Variants in CADPS observed in about 807,000 individuals in gnomAD.
CADPS encodes calcium-dependent secretion activator 1.
CADPS carries 57 observed loss-of-function variants against 167.3 expected under a neutral mutation model. The observed-to-expected ratio is 0.34, with a 90% confidence interval of 0.28 to 0.42. The LOEUF (loss-of-function observed/expected upper bound fraction) is 0.42, where lower values mean the gene tolerates loss of function less well. Ranked by LOEUF, CADPS falls within the 20% of genes least tolerant of loss-of-function variation. The pLI is 1.00. For missense variants in CADPS, 1,414 were observed against 1,738.1 expected, an observed-to-expected ratio of 0.81 and a Z score of 3.32; for synonymous variants, 676 against 635.3, an observed-to-expected ratio of 1.06 and a Z score of -0.96.
intron 9 of CADPS, among the ~76,000 whole-genome samples, chr3:62,563,315 G>T (rs997916667): frequency 3.9e-5 from 6 of 152,138 alleles, no homozygotes; most frequent in Admixed American, 1.3e-4. Flanking sequence ...CATTTTTGTG[G>T]TTAACTCATT....
chr3:62,468,003 A>G (rs1374930681), intron 24 of CADPS, among the ~76,000 whole-genome samples: 1 of 152,184 alleles, frequency 6.6e-6, no homozygotes, highest in African/African-American at 2.4e-5. Context: ...AATTGATTAG[A>G]GGAAAAATAA....
intron 26 of CADPS, among the ~76,000 whole-genome samples, chr3:62,448,856 T>G (rs2057623219): frequency 1.3e-5 from 2 of 152,094 alleles, no homozygotes; most frequent in South Asian, 4.1e-4. Flanking sequence ...TCAGGTGATC[T>G]GCCTGCCTCG....
At chr3:62,469,110 T>C (rs1317664481) in intron 24 of CADPS, among the ~76,000 whole-genome samples, 5 of 152,210 alleles carry the variant, frequency 3.3e-5, no homozygotes, top group African/African-American at 7.2e-5. Flanking sequence ...AATTTAAATA[T>C]AAGCTTCTTT....
At chr3:62,468,217 A>T (rs953777425) in intron 24 of CADPS, among the ~76,000 whole-genome samples, 2 of 152,186 alleles carry the variant, frequency 1.3e-5, no homozygotes, top group African/African-American at 4.8e-5. Flanking sequence ...CTCCAAATTC[A>T]TTTTTAGGTC....
At chr3:62,668,377 A>T (rs1336399959) in intron 3 of CADPS, among the ~76,000 whole-genome samples, 2 of 152,064 alleles carry the variant, frequency 1.3e-5, no homozygotes, top group African/African-American at 4.8e-5. Context: ...CTTGTCGGGC[A>T]CCACATCCTC....
At chr3:62,694,731 A>G (rs971299455) in intron 3 of CADPS, among the ~76,000 whole-genome samples, 6 of 152,058 alleles carry the variant, frequency 3.9e-5, no homozygotes, top group African/African-American at 1.5e-4. Flanking sequence ...GCTTCTGCCC[A>G]TAGAATTAAC....
In CADPS at chr3:62,825,737, C is replaced by G. The variant is rs115466446; in HGVS notation, c.441+48852G>C. Among the ~76,000 whole-genome samples the G allele has an allele frequency of 5.6e-4, 85 of 152,298 alleles. 1 individual carries two copies. Among genetic ancestry groups the G allele is most frequent in the African/African-American group, 2.0e-3 (85 of 41,564 alleles). The stretch of plus-strand genomic sequence containing the variant: ...CATCACTGCTGGCCATAGAAAATAA[C>G]TTTAAACTTTGAAAACAGCTCTTCA... On this transcript the variant is annotated intron_variant, in intron 1 of 29. Transcript: ENST00000383710.
intron 1 of CADPS, among the ~76,000 whole-genome samples, chr3:62,830,196 T>G (rs2074826585): frequency 6.6e-6 from 1 of 152,184 alleles, no homozygotes; most frequent in Non-Finnish European, 1.5e-5. Flanking sequence ...TAGTGGATCT[T>G]CACCTTTGAA....
chr3:62,765,891 C>A lies in CADPS; in HGVS notation c.535G>T (p.Ala179Ser). The change falls in exon 2 of 30, where the codon GCT (alanine) becomes TCT (serine). Residue 179 changes from alanine to serine, a missense_variant. By Grantham distance (99) the Ala-to-Ser change is moderately conservative. Transcript: ENST00000383710. ...CTCACCTCATAGTAACTCTGCACAGCGTTCATGAAGGCTTCGTCAGCCATG... is the reference window on the plus strand; with the variant it reads ...CTCACCTCATAGTAACTCTGCACAGAGTTCATGAAGGCTTCGTCAGCCATG... ...QIMADEAFMN[A>S]VQSYYEVFLK... 6.2e-7 allele frequency: 1 copy of A among 1,611,428 alleles called. No individual in the cohort carries two copies. Among genetic ancestry groups the A allele is most frequent in the Non-Finnish European group, 8.5e-7 (1 of 1,177,788 alleles).
chr3:62,522,904 G>A (rs902247187), intron 13 of CADPS, among the ~76,000 whole-genome samples: 3 of 152,150 alleles, frequency 2.0e-5, no homozygotes, highest in Non-Finnish European at 4.4e-5. Context: ...CCCACCTGCG[G>A]GCCATCACTG....
chr3:62,800,546 A>T (rs963164235), intron 1 of CADPS, among the ~76,000 whole-genome samples: 2 of 152,150 alleles, frequency 1.3e-5, no homozygotes, highest in Admixed American at 1.3e-4. Context: ...TGTTTACTGA[A>T]TGTGAGTTAA....
rs752696303 is a variant in CADPS at position 62,407,925 on chromosome 3, G to C, written c.3778-4740C>G. 2.8e-4 allele frequency among the ~76,000 whole-genome samples: 42 copies of C among 152,212 alleles called. No homozygotes were observed. The Middle Eastern group carries it at 0.01, about 37-fold the overall frequency. ...ATTTTTTGTACTTTTACTAGAGATG[G>C]GGTTTTGCCATGTTGGCCAGGCTGG... On this transcript the variant is annotated intron_variant, in intron 28 of 29. Coordinates refer to ENST00000383710, the MANE Select transcript of CADPS (RefSeq NM_003716.4).
At position 62,420,794 on chromosome 3, in the gene CADPS, T is replaced by C. The variant is rs1218505076; in HGVS notation, c.3777+17310A>G. Among the ~76,000 whole-genome samples the C allele has an allele frequency of 6.6e-6, 1 of 151,970 alleles. No homozygotes were observed. The highest frequency in any genetic ancestry group is 2.4e-5 in the African/African-American group (1 of 41,346). On this transcript the variant is annotated intron_variant, in intron 28 of 29. Transcript: ENST00000383710. The surrounding 1 kb of genome is among the most constrained non-coding windows in gnomAD (Gnocchi z 4.1). ...CTTTATTTTTACTCTCAGGAAACCG[T>C]ATTCTCCTCTTTCTACTTCTCACTG...
rs2083820522 is a variant in CADPS, at chr3:62,756,052, TTTTTC to T, written c.556-2284_556-2280del. Reference sequence around the variant, plus strand: ...TCTCTGATTCTCTAATTTCTTTTTCTTTTTCTTTTTTTTTTTTTTGAGACAGAATC... The same window carrying T: ...TCTCTGATTCTCTAATTTCTTTTTCTTTTTTTTTTTTTTTGAGACAGAATC... On this transcript the variant is annotated intron_variant, in intron 2 of 29. Transcript: ENST00000383710. Among the ~76,000 whole-genome samples, 13 of 141,892 alleles carry T rather than the reference TTTTTC, an allele frequency of 9.2e-5. 1 individual carries two copies. The South Asian group carries it at 2.8e-3, about 31-fold the overall frequency. 93.1% of individuals were successfully genotyped at this position (141,892 alleles called of 152,430 possible). A position where few individuals can be genotyped will look rare whatever the true frequency, so the allele number is the denominator to read the frequency against.
chr3:62,820,546 A>T (rs1288796291), intron 1 of CADPS, among the ~76,000 whole-genome samples: 1 of 152,146 alleles, frequency 6.6e-6, no homozygotes, highest in African/African-American at 2.4e-5. Context: ...CTCTTACTGA[A>T]ATATGAGCTC....
chr3:62,855,218 T>C (rs920242047), intron 1 of CADPS, among the ~76,000 whole-genome samples: 12 of 151,726 alleles, frequency 7.9e-5, no homozygotes, highest in African/African-American at 2.9e-4. Flanking sequence ...GTGCTGGGAT[T>C]ACAGGCATGA....
chr3:62,715,757 T>TTG (rs2084413393), intron 3 of CADPS, among the ~76,000 whole-genome samples: 2 of 130,088 alleles, frequency 1.5e-5, no homozygotes, highest in African/African-American at 5.5e-5. Flanking sequence ...ATAAATCTTT[T>TTG]TTTTTTTTTT....
chr3:62,732,870 C>T (rs1190503299), intron 3 of CADPS, among the ~76,000 whole-genome samples: 1 of 152,172 alleles, frequency 6.6e-6, no homozygotes, highest in Non-Finnish European at 1.5e-5. Context: ...GACTGAGGTT[C>T]AGAGAGGGTA....
rs915955497 is a variant in CADPS, at chr3:62,874,522, C to T, written c.441+67G>A. ...TCCTCGCCAGCTGCGCCGCCAGCTCCCATTGTTCACCCCGCCCGCCTGGCG... is the reference window on the plus strand; with the variant it reads ...TCCTCGCCAGCTGCGCCGCCAGCTCTCATTGTTCACCCCGCCCGCCTGGCG... On this transcript the variant is annotated intron_variant, in intron 1 of 29. Transcript: ENST00000383710. The surrounding 1 kb of genome is among the most constrained non-coding windows in gnomAD (Gnocchi z 7.1). The T allele has an allele frequency of 1.1e-5, 14 of 1,263,324 alleles. No individual in the cohort carries two copies. The South Asian group carries it at 1.9e-4, about 17-fold the overall frequency. The allele number at this position is 1,263,324 out of a possible 1,614,324, so 78.3% of individuals were successfully genotyped here. A position where few individuals can be genotyped will look rare whatever the true frequency, so the allele number is the denominator to read the frequency against.
Sources: gnomAD v4.1 joint callset for allele counts (sites outside exome capture counted in the v4.1 genomes callset) on GRCh38, gnomAD v4.1.1 for gene constraint, Gnocchi (gnomAD v3.1) non-coding constraint, MANE v1.5 for transcripts, NCBI Gene and HGNC (gene_info 2026-07-23, HGNC 2026-07-21) for gene names.